Variants in DYNC1I1 observed in about 807,000 individuals in gnomAD.
The protein encoded by DYNC1I1 is cytoplasmic dynein 1 intermediate chain 1.
Under a neutral mutation model 86.6 loss-of-function variants are expected in DYNC1I1, and 43 were observed. The observed-to-expected ratio is 0.50, with a 90% CI of 0.39 to 0.64. DYNC1I1 has a LOEUF of 0.64. DYNC1I1 is among the 30% of genes least tolerant of loss of function. The probability of loss-of-function intolerance (pLI) is 0.00; values close to 1 mark genes in which losing one functional copy is unlikely to be tolerated. For synonymous variants in DYNC1I1, 262 were observed against 283.7 expected (o/e 0.92, Z 0.77); for missense variants, 604 against 788.8 (o/e 0.77, Z 2.81).
intron 14 of DYNC1I1, among the ~76,000 whole-genome samples, chr7:96,055,602 A>C (rs1305386046): frequency 1.3e-5 from 2 of 152,158 alleles, no homozygotes; most frequent in Non-Finnish European, 2.9e-5. Context: ...ATACTAGCAA[A>C]CTAACATATT....
chr7:95,800,875 T>A (rs1794561390), intron 1 of DYNC1I1, among the ~76,000 whole-genome samples: 1 of 152,252 alleles, frequency 6.6e-6, no homozygotes, highest in Non-Finnish European at 1.5e-5. Flanking sequence ...ATAACTCATG[T>A]CCCTCATGTT....
At chr7:95,994,250 T>C (rs1275929263) in intron 9 of DYNC1I1, among the ~76,000 whole-genome samples, 3 of 152,182 alleles carry the variant, frequency 2.0e-5, no homozygotes, top group African/African-American at 7.2e-5. Context: ...ATGCTAGGAA[T>C]TGACCCTGGA....
chr7:96,023,968 G>T (rs1270737886), intron 10 of DYNC1I1, among the ~76,000 whole-genome samples: 3 of 152,132 alleles, frequency 2.0e-5, no homozygotes, highest in African/African-American at 7.2e-5. Context: ...TGTGATGCTT[G>T]CCCTCTTAGA....
intron 6 of DYNC1I1, among the ~76,000 whole-genome samples, chr7:95,872,303 C>T (rs1790193792): frequency 6.6e-6 from 1 of 152,202 alleles, no homozygotes; most frequent in South Asian, 2.1e-4. Context: ...ACATTTGAAG[C>T]TCTGGCATAT....
chr7:95,810,045 C>T (rs1794792673), intron 2 of DYNC1I1, among the ~76,000 whole-genome samples: 1 of 152,034 alleles, frequency 6.6e-6, no homozygotes, highest in Non-Finnish European at 1.5e-5. Flanking sequence ...AACTGATATC[C>T]CAGAAGGGAC....
intron 6 of DYNC1I1, among the ~76,000 whole-genome samples, chr7:95,878,951 G>GA (rs35720595): frequency 0.94 from 133,875 of 142,130 alleles, 63,188 homozygotes; most frequent in South Asian, 0.99. Context: ...AAGAAAAGAA[G>GA]AAAAAAAAAA....
intron 5 of DYNC1I1, 89 bp downstream of exon 5, chr7:95,828,205 C>T (rs942131110): frequency 6.9e-7 from 1 of 1,451,854 alleles, no homozygotes; most frequent in Non-Finnish European, 9.7e-7. Context: ...CTTGTGTTCT[C>T]CCCTTTTGTT....
chr7:96,095,686 G>A (rs951833593), intron 16 of DYNC1I1, among the ~76,000 whole-genome samples: 2 of 152,062 alleles, frequency 1.3e-5, no homozygotes, highest in African/African-American at 2.4e-5. Flanking sequence ...TTGCTCAGCG[G>A]TTGGAAGAAG....
At chr7:95,998,602 G>T (rs957350289) in intron 10 of DYNC1I1, among the ~76,000 whole-genome samples, 1 of 152,186 alleles carries the variant, frequency 6.6e-6, no homozygotes, top group African/African-American at 2.4e-5. Flanking sequence ...ATGTGCTTCC[G>T]CATTCTCCTG....
chr7:96,011,359 A>G (rs934752985), intron 10 of DYNC1I1, among the ~76,000 whole-genome samples: 1 of 152,196 alleles, frequency 6.6e-6, no homozygotes, highest in Non-Finnish European at 1.5e-5. Context: ...AAAATAAGTT[A>G]AATAAAGTAG....
At chr7:95,914,285 C>T (rs1193216604) in intron 6 of DYNC1I1, among the ~76,000 whole-genome samples, 1 of 152,190 alleles carries the variant, frequency 6.6e-6, no homozygotes, top group East Asian at 1.9e-4. Context: ...TCTAATATTT[C>T]CCCTCATTAG....
intron 9 of DYNC1I1, among the ~76,000 whole-genome samples, chr7:95,988,437 C>G (rs1302276764): frequency 6.6e-6 from 1 of 152,178 alleles, no homozygotes; most frequent in African/African-American, 2.4e-5. Flanking sequence ...GAAGTCTAAG[C>G]CCATCAGTGT....
intron 6 of DYNC1I1, among the ~76,000 whole-genome samples, chr7:95,961,546 T>A (rs1293000223): frequency 6.6e-6 from 1 of 152,210 alleles, no homozygotes; most frequent in Admixed American, 6.5e-5. Context: ...GATTCTGCAT[T>A]TATGTGAAGG....
chr7:96,078,251 T>C (rs913528253), intron 15 of DYNC1I1, among the ~76,000 whole-genome samples: 31 of 152,202 alleles, frequency 2.0e-4, no homozygotes, highest in South Asian at 4.1e-4. Flanking sequence ...TACTGCTTAA[T>C]GTAATAATTT....
At chr7:96,011,250 C>T (rs1794268820) in intron 10 of DYNC1I1, among the ~76,000 whole-genome samples, 1 of 152,014 alleles carries the variant, frequency 6.6e-6, no homozygotes, top group African/African-American at 2.4e-5. Flanking sequence ...GCTTACTTTC[C>T]CTAGTTCTTG....
intron 6 of DYNC1I1, among the ~76,000 whole-genome samples, chr7:95,949,152 C>G (rs940192083): frequency 6.6e-6 from 1 of 151,902 alleles, no homozygotes; most frequent in Non-Finnish European, 1.5e-5. Flanking sequence ...GGAGGGTGGT[C>G]GAATGTAGAT....
chr7:95,882,376 G>A (rs1258076442), intron 6 of DYNC1I1, among the ~76,000 whole-genome samples: 4 of 152,130 alleles, frequency 2.6e-5, no homozygotes, highest in Non-Finnish European at 5.9e-5. Flanking sequence ...TTTGGGAGGT[G>A]TCTATTTTCT....
chr7:95,879,199 C>T (rs1273817354), intron 6 of DYNC1I1, among the ~76,000 whole-genome samples: 1 of 152,100 alleles, frequency 6.6e-6, no homozygotes, highest in African/African-American at 2.4e-5. Flanking sequence ...AGATAGTATA[C>T]ATAAATATTT....
At chr7:96,041,019 GC>G (rs1371153507) in intron 14 of DYNC1I1, among the ~76,000 whole-genome samples, 1 of 152,118 alleles carries the variant, frequency 6.6e-6, no homozygotes, top group Non-Finnish European at 1.5e-5. Flanking sequence ...ACCACACCTG[GC>G]CCAGCAGTGG....
Sources: allele counts gnomAD v4.1 joint callset (sites outside exome capture counted in the v4.1 genomes callset), GRCh38; gene constraint gnomAD v4.1.1; transcripts MANE v1.5; gene names NCBI Gene and HGNC (gene_info 2026-07-23, HGNC 2026-07-21).